The following MTUS2 variants were observed in gnomAD, a reference collection of about 807,000 sequenced individuals.
MTUS2 encodes microtubule associated scaffold protein 2.
Under a neutral mutation model 114.1 loss-of-function variants are expected in MTUS2, and 40 were observed. The ratio of observed to expected loss-of-function variants is 0.35; its 90% confidence interval spans 0.27 to 0.46. The LOEUF (loss-of-function observed/expected upper bound fraction) is 0.46, where lower values mean the gene tolerates loss of function less well. MTUS2 is among the 20% of genes least tolerant of loss of function. MTUS2 has a pLI of 1.00. For synonymous variants in MTUS2, 688 were observed against 672.0 expected, an observed-to-expected ratio of 1.02 and a Z score of -0.37; for missense variants, 1,679 against 1,705.4, an observed-to-expected ratio of 0.98 and a Z score of 0.27.
chr13:29,383,310 A>G (rs566497302), intron 8 of MTUS2, among the ~76,000 whole-genome samples: 100 of 147,050 alleles, frequency 6.8e-4, no homozygotes, highest in Non-Finnish European at 1.3e-3. Flanking sequence ...CCATCTTAGT[A>G]AAAATCATAT....
At chr13:29,067,246 G>A (rs1389138942) in intron 4 of MTUS2, among the ~76,000 whole-genome samples, 1 of 152,128 alleles carries the variant, frequency 6.6e-6, no homozygotes, top group Non-Finnish European at 1.5e-5. Context: ...TTCAGAGAGA[G>A]GGGGGAGGAT....
intron 5 of MTUS2, among the ~76,000 whole-genome samples, chr13:29,205,251 A>G (rs1339335949): frequency 6.6e-6 from 1 of 152,062 alleles, no homozygotes; most frequent in Non-Finnish European, 1.5e-5. Flanking sequence ...ACTTTTTGCA[A>G]TTTTGCTCCT....
At chr13:29,219,768 A>G (rs1362437075) in intron 5 of MTUS2, among the ~76,000 whole-genome samples, 1 of 152,142 alleles carries the variant, frequency 6.6e-6, no homozygotes, top group Non-Finnish European at 1.5e-5. Flanking sequence ...TTTTACTTTA[A>G]TGTTGTGGAG....
At chr13:28,922,274 C>CT (rs979305936) in intron 2 of MTUS2, among the ~76,000 whole-genome samples, 17 of 152,170 alleles carry the variant, frequency 1.1e-4, no homozygotes, top group African/African-American at 4.1e-4. Flanking sequence ...TCAATTAAGC[C>CT]TTTTTTCTTT....
Position 29,084,786 on chromosome 13 carries a change from C to CG in MTUS2, c.2447-15987_2447-15986insG, listed in dbSNP as rs1013757879. Among the ~76,000 whole-genome samples the CG allele has an allele frequency of 1.1e-4, 12 of 111,664 alleles. 1 individual carries two copies. Among genetic ancestry groups the CG allele is most frequent in the Admixed American group, 6.9e-4 (8 of 11,586 alleles). 73.3% of individuals were successfully genotyped at this position (111,664 alleles called of 152,430 possible). On this transcript the variant is annotated intron_variant, in intron 4 of 15. Transcript: ENST00000612955. ...CTCCTGACCTCAGGTGATCCACCCC[C>CG]CCCCCTCACCGTTGGCCTTCCAAAG...
intron 2 of MTUS2, among the ~76,000 whole-genome samples, chr13:28,857,232 A>C (rs944441540): frequency 6.6e-6 from 1 of 152,360 alleles, no homozygotes; most frequent in East Asian, 1.9e-4. Context: ...ATTTATGAAG[A>C]TGATAGATCT....
intron 7 of MTUS2, among the ~76,000 whole-genome samples, chr13:29,333,272 A>G (rs1261842078): frequency 2.0e-5 from 3 of 151,910 alleles, no homozygotes; most frequent in Non-Finnish European, 4.4e-5. Flanking sequence ...ATCTCAGCTG[A>G]CTGTAACCTC....
chr13:29,325,585 G>GGAAGAA (rs71192604), intron 7 of MTUS2, among the ~76,000 whole-genome samples: 32 of 148,138 alleles, frequency 2.2e-4, no homozygotes, highest in Non-Finnish European at 3.4e-4. Flanking sequence ...AGGAGGAAGA[G>GGAAGAA]GAAGAAGAAG....
chr13:29,110,731 A>C (rs1315215092), intron 5 of MTUS2, among the ~76,000 whole-genome samples: 3 of 152,036 alleles, frequency 2.0e-5, no homozygotes, highest in African/African-American at 7.2e-5. Context: ...TGATTGCTTC[A>C]GTAACTCCTA....
intron 7 of MTUS2, among the ~76,000 whole-genome samples, chr13:29,329,706 T>A (rs1224224808): frequency 2.7e-5 from 4 of 150,480 alleles, no homozygotes; most frequent in Non-Finnish European, 5.9e-5. Flanking sequence ...CTGTGCCTCC[T>A]GGGTTCAAGC....
intron 2 of MTUS2, among the ~76,000 whole-genome samples, chr13:29,001,424 AGGTTGCACG>A (rs1885379195): frequency 6.6e-6 from 1 of 152,154 alleles, no homozygotes; most frequent in Admixed American, 6.5e-5. Flanking sequence ...ACTAGATGAC[AGGTTGCACG>A]TGGAATGCGA....
intron 2 of MTUS2, among the ~76,000 whole-genome samples, chr13:28,971,583 A>G (rs1013608934): frequency 1.3e-5 from 2 of 152,044 alleles, no homozygotes; most frequent in Non-Finnish European, 2.9e-5. Flanking sequence ...ATATGGAAAT[A>G]GCAGTCCCAT....
intron 8 of MTUS2, among the ~76,000 whole-genome samples, chr13:29,400,299 A>G (rs926957863): frequency 6.6e-6 from 1 of 152,220 alleles, no homozygotes; most frequent in African/African-American, 2.4e-5. Flanking sequence ...ACATGTATCT[A>G]TATAAGTGGT....
chr13:29,148,544 C>T lies in MTUS2; in HGVS notation c.2644+47574C>T, dbSNP rs1224644819. 6.4e-5 allele frequency among the ~76,000 whole-genome samples: 4 copies of T among 62,604 alleles called. 1 individual carries two copies. The Admixed American group carries it at 8.5e-4, about 13-fold the overall frequency. 41.1% of individuals were successfully genotyped at this position (62,604 alleles called of 152,430 possible). ...CCCAGGCTGGAGTGCAGTGGTGGGA[C>T]CTCGGCTCACTGCAAGCTCCGCCTC... On this transcript the variant is annotated intron_variant, in intron 5 of 15. Transcript: ENST00000612955.
Position 29,251,292 on chromosome 13 carries a change from G to GATGATA in MTUS2, c.2645-30410_2645-30409insGATAAT, listed in dbSNP as rs143398382. ...TTCTTACCTGTGAAAATGGGATGATGATAATAATAATAATAATAATAATAA... is the reference window on the plus strand; with the variant it reads ...TTCTTACCTGTGAAAATGGGATGATGATGATAATAATAATAATAATAATAATAATAA... On this transcript the variant is annotated intron_variant, in intron 5 of 15. Transcript: ENST00000612955. 1.9e-3 allele frequency among the ~76,000 whole-genome samples: 276 copies of GATGATA among 146,506 alleles called. 5 individuals are homozygous for GATGATA. In the East Asian group the frequency reaches 0.031, roughly 17 times the overall value.
At chr13:29,316,255 A>G (rs1182556810) in intron 6 of MTUS2, among the ~76,000 whole-genome samples, 1 of 152,196 alleles carries the variant, frequency 6.6e-6, no homozygotes, top group Non-Finnish European at 1.5e-5. Flanking sequence ...ATGTGGAGGA[A>G]AAGCACCAGT....
chr13:28,938,592 A>G (rs1298995688), intron 2 of MTUS2, among the ~76,000 whole-genome samples: 1 of 151,940 alleles, frequency 6.6e-6, no homozygotes, highest in African/African-American at 2.4e-5. Flanking sequence ...ATTTTGCCTA[A>G]TTTTTCTTGC....
chr13:29,039,986 A>G (rs1593410574), intron 4 of MTUS2, among the ~76,000 whole-genome samples: 1 of 152,276 alleles, frequency 6.6e-6, no homozygotes, highest in South Asian at 2.1e-4. Context: ...ATATTATTTC[A>G]GTAGTTTTTG....
intron 4 of MTUS2, among the ~76,000 whole-genome samples, chr13:29,038,382 C>T (rs1436188463): frequency 6.6e-6 from 1 of 152,240 alleles, no homozygotes. Context: ...AGCAGAACAG[C>T]AAAGATTGCT....
Sources: allele counts gnomAD v4.1 joint callset (sites outside exome capture counted in the v4.1 genomes callset), GRCh38; gene constraint gnomAD v4.1.1; transcripts MANE v1.5; gene names NCBI Gene and HGNC (gene_info 2026-07-23, HGNC 2026-07-21).